Variants in APBA2 observed in about 807,000 individuals in gnomAD.
APBA2 encodes amyloid beta precursor protein binding family A member 2.
A neutral mutation model predicts 75.0 loss-of-function variants in APBA2; 30 were observed. The ratio of observed to expected loss-of-function variants is 0.40; its 90% CI spans 0.30 to 0.54. The LOEUF (loss-of-function observed/expected upper bound fraction) is 0.54, where lower values mean the gene tolerates loss of function less well. Ranked by LOEUF, APBA2 falls within the 20% of genes least tolerant of loss-of-function variation. The pLI, the probability that APBA2 is intolerant of heterozygous loss-of-function variation, is 0.49. For synonymous variants in APBA2, 444 were observed against 409.6 expected, an observed-to-expected ratio of 1.08 and a Z score of -1.01; for missense variants, 801 against 1,016.1, an observed-to-expected ratio of 0.79 and a Z score of 2.88.
Position 28,973,284 on chromosome 15 carries a change from G to A in APBA2, c.-94-22469G>A, listed in dbSNP as rs370515412. 3.3e-5 allele frequency among the ~76,000 whole-genome samples: 5 copies of A among 152,236 alleles called. No homozygotes were observed. The East Asian group carries it at 9.6e-4, about 29-fold the overall frequency. On this transcript the variant is annotated intron_variant, in intron 2 of 14. Coordinates refer to ENST00000683413, the MANE Select transcript of APBA2 (RefSeq NM_001353788.2). ...AGGTTTTTATTGGTGTGTAAAATTTGAAGAGTAAGAGCACAGATGATGAGA... is the reference window on the plus strand; with the variant it reads ...AGGTTTTTATTGGTGTGTAAAATTTAAAGAGTAAGAGCACAGATGATGAGA...
chr15:29,018,278 G>A (rs920741800), intron 3 of APBA2, among the ~76,000 whole-genome samples: 2 of 152,148 alleles, frequency 1.3e-5, no homozygotes, highest in Non-Finnish European at 2.9e-5. Context: ...TGACAGTGCC[G>A]GGCCTCTGGA....
chr15:28,927,564 C>T (rs1465412540), intron 2 of APBA2, among the ~76,000 whole-genome samples: 2 of 151,524 alleles, frequency 1.3e-5, no homozygotes, highest in South Asian at 2.1e-4. Flanking sequence ...TGTTCTGTTC[C>T]CCTCCCCAAC....
intron 3 of APBA2, among the ~76,000 whole-genome samples, chr15:29,018,241 C>T (rs921845698): frequency 6.6e-6 from 1 of 152,088 alleles, no homozygotes; most frequent in East Asian, 1.9e-4. Flanking sequence ...AATGTGCAAG[C>T]AGGGCTGAGC....
At chr15:28,971,981 T>C (rs1384271039) in intron 2 of APBA2, among the ~76,000 whole-genome samples, 1 of 152,118 alleles carries the variant, frequency 6.6e-6, no homozygotes, top group African/African-American at 2.4e-5. Flanking sequence ...AATAGGCAAT[T>C]GCAAATGTGA....
rs1338325266 is a variant in APBA2, at chr15:29,117,045, C to T, written c.2179-17C>T. 1.9e-6 allele frequency: 3 copies of T among 1,612,900 alleles called. No individual in the cohort carries two copies. Among genetic ancestry groups the T allele is most frequent in the Admixed American group, 1.7e-5 (1 of 60,022 alleles). ...AGGTGGGAGGGCAGCGGCTCAGCCT[C>T]CTGTTTCTGTCCGCAGATCCACATG... On this transcript the variant is annotated splice_polypyrimidine_tract_variant and intron_variant, in intron 14 of 14. Transcript: ENST00000683413.
At chr15:28,926,858 T>TC (rs1491170352) in intron 2 of APBA2, among the ~76,000 whole-genome samples, 83 of 133,780 alleles carry the variant, frequency 6.2e-4, no homozygotes, top group South Asian at 3.6e-3. Context: ...TCTCTCTCTC[T>TC]TTTTTTTTTT....
At position 29,015,097 on chromosome 15, in the gene APBA2, C is replaced by T. The variant is rs565611068; in HGVS notation, c.-41+19291C>T. Reference sequence around the variant, plus strand: ...TCTAGGATTTGTGCCTGAAGAATAGCGCTTTCTGTCTTGCTGATGTTTATA... The same window carrying T: ...TCTAGGATTTGTGCCTGAAGAATAGTGCTTTCTGTCTTGCTGATGTTTATA... On this transcript the variant is annotated intron_variant, in intron 3 of 14. Coordinates refer to ENST00000683413, the MANE Select transcript of APBA2 (RefSeq NM_001353788.2). Among the ~76,000 whole-genome samples the T allele has an allele frequency of 1.6e-4, 25 of 152,146 alleles. 1 individual carries two copies. The highest frequency in any genetic ancestry group is 1.0e-3 in the Admixed American group (16 of 15,284).
At chr15:28,980,351 G>A (rs552792394) in intron 2 of APBA2, among the ~76,000 whole-genome samples, 6 of 152,274 alleles carry the variant, frequency 3.9e-5, no homozygotes, top group African/African-American at 1.4e-4. Context: ...TTTGCCAAAA[G>A]GCTCCTGTAA....
chr15:28,899,533 C>T (rs1029886752), intron 1 of APBA2, among the ~76,000 whole-genome samples: 24 of 152,328 alleles, frequency 1.6e-4, no homozygotes, highest in African/African-American at 5.3e-4. Flanking sequence ...AGCCGTGTTG[C>T]GTTGCAGCCG....
chr15:29,074,588 A>AC lies in APBA2; in HGVS notation c.952-331dup, dbSNP rs1330125083. Among the ~76,000 whole-genome samples the AC allele has an allele frequency of 2.0e-5, 3 of 152,184 alleles. No individual in the cohort carries two copies. In the East Asian group the frequency reaches 5.8e-4, roughly 29 times the overall value. Reference sequence around the variant, plus strand: ...GAAGACATTCTGAAGGTGGATGGTGACCATGGTTGTACGACAGTGTGAATG... The same window carrying AC: ...GAAGACATTCTGAAGGTGGATGGTGACCCATGGTTGTACGACAGTGTGAATG... On this transcript the variant is annotated intron_variant, in intron 4 of 14. Coordinates refer to ENST00000683413, the MANE Select transcript of APBA2 (RefSeq NM_001353788.2).
intron 14 of APBA2, among the ~76,000 whole-genome samples, chr15:29,116,390 G>T (rs2045140473): frequency 6.6e-6 from 1 of 152,152 alleles, no homozygotes; most frequent in African/African-American, 2.4e-5. Flanking sequence ...ACTTTGGGAG[G>T]CCGAGGCGGG....
intron 3 of APBA2, among the ~76,000 whole-genome samples, chr15:29,029,234 A>T (rs562401416): frequency 9.2e-5 from 14 of 152,000 alleles, no homozygotes; most frequent in African/African-American, 3.1e-4. Context: ...ATAGCTAGCC[A>T]CTTCTTCCAG....
At chr15:28,968,601 G>A (rs1025103673) in intron 2 of APBA2, among the ~76,000 whole-genome samples, 2 of 152,140 alleles carry the variant, frequency 1.3e-5, no homozygotes, top group Non-Finnish European at 2.9e-5. Context: ...CCATCTTTTT[G>A]TGAGCAGGCA....
intron 2 of APBA2, among the ~76,000 whole-genome samples, chr15:28,968,402 T>C (rs1001497794): frequency 6.6e-6 from 1 of 152,222 alleles, no homozygotes; most frequent in African/African-American, 2.4e-5. Context: ...CAAACACGTG[T>C]GGAAGACTTT....
intron 14 of APBA2, 75 bp from the exon 15 acceptor site, chr15:29,116,987 C>G (rs1256785415): frequency 2.7e-6 from 4 of 1,500,202 alleles, no homozygotes; most frequent in Non-Finnish European, 3.7e-6. Flanking sequence ...GGGTTTGCCT[C>G]TGTCCTTTGC....
At chr15:28,989,653 G>C (rs2038114751) in intron 2 of APBA2, among the ~76,000 whole-genome samples, 1 of 152,200 alleles carries the variant, frequency 6.6e-6, no homozygotes, top group Non-Finnish European at 1.5e-5. Context: ...GGAATTGGAA[G>C]GCATCAGGCT....
At chr15:29,013,273 CTTTTTTT>C (rs560518234) in intron 3 of APBA2, among the ~76,000 whole-genome samples, 47 of 85,856 alleles carry the variant, frequency 5.5e-4, no homozygotes, top group Non-Finnish European at 8.4e-4. Context: ...ATGAGTCATT[CTTTTTTT>C]TTTTTTTTTT....
intron 1 of APBA2, among the ~76,000 whole-genome samples, chr15:28,887,337 T>G (rs1341997917): frequency 2.6e-5 from 4 of 152,208 alleles, no homozygotes; most frequent in Admixed American, 2.0e-4. Flanking sequence ...TTTTTCTGTT[T>G]TCCTTCCTCT....
intron 2 of APBA2, among the ~76,000 whole-genome samples, chr15:28,968,552 C>T (rs2036863301): frequency 6.6e-6 from 1 of 152,154 alleles, no homozygotes; most frequent in African/African-American, 2.4e-5. Context: ...GGTTCCGTCT[C>T]TTTCGCAGGA....
Sources: allele counts gnomAD v4.1 joint callset (sites outside exome capture counted in the v4.1 genomes callset), GRCh38; gene constraint gnomAD v4.1.1; transcripts MANE v1.5; gene names NCBI Gene and HGNC (gene_info 2026-07-23, HGNC 2026-07-21).